Variants in HECW2 observed in about 807,000 individuals in gnomAD.
The protein encoded by HECW2 is E3 ubiquitin-protein ligase HECW2.
A neutral mutation model predicts 175.2 loss-of-function variants in HECW2; 61 were observed. The ratio of observed to expected loss-of-function variants is 0.35; its 90% CI spans 0.28 to 0.43. The LOEUF (loss-of-function observed/expected upper bound fraction) is 0.43, where lower values mean the gene tolerates loss of function less well. HECW2 is among the 20% of genes least tolerant of loss of function. HECW2 has a pLI of 1.00. For synonymous variants in HECW2, 671 were observed against 731.0 expected, an observed-to-expected ratio of 0.92 and a Z score of 1.32; for missense variants, 1,524 against 2,000.5, an observed-to-expected ratio of 0.76 and a Z score of 4.54.
chr2:196,292,377 A>G, intron 14 of HECW2, 188 bp downstream of exon 14: 1 of 541,762 alleles, frequency 1.8e-6, no homozygotes, highest in Non-Finnish European at 3.3e-6. Flanking sequence ...TCCCTCCACG[A>G]CTTCAGAATG....
At chr2:196,451,472 T>C (rs77856000) in intron 1 of HECW2, among the ~76,000 whole-genome samples, 1,626 of 151,480 alleles carry the variant, frequency 0.011, 32 homozygotes, top group African/African-American at 0.037. Context: ...GGGGTAAAGT[T>C]TATACCCAGA....
At chr2:196,236,170 A>G (rs1293219310) in intron 21 of HECW2, among the ~76,000 whole-genome samples, 1 of 152,172 alleles carries the variant, frequency 6.6e-6, no homozygotes, top group Non-Finnish European at 1.5e-5. Context: ...TGGACTTCCC[A>G]CAGAATTAAC....
At chr2:196,578,997 G>T (rs548143865) in intron 1 of HECW2, among the ~76,000 whole-genome samples, 3 of 152,026 alleles carry the variant, frequency 2.0e-5, no homozygotes, top group Non-Finnish European at 4.4e-5. Flanking sequence ...AATGACAATT[G>T]CATAAAGCAA....
intron 1 of HECW2, among the ~76,000 whole-genome samples, chr2:196,450,584 C>T (rs545551995): frequency 1.3e-5 from 2 of 151,762 alleles, no homozygotes; most frequent in South Asian, 2.1e-4. Flanking sequence ...CTCTGCCTCC[C>T]GGGTTCAAGA....
chr2:196,409,485 G>A (rs1361088113), intron 2 of HECW2, among the ~76,000 whole-genome samples: 1 of 152,130 alleles, frequency 6.6e-6, no homozygotes, highest in Non-Finnish European at 1.5e-5. Context: ...GCAAGACATG[G>A]ATCAATCTTC....
At chr2:196,486,001 T>G (rs1036323185) in intron 1 of HECW2, among the ~76,000 whole-genome samples, 12 of 152,188 alleles carry the variant, frequency 7.9e-5, no homozygotes, top group Non-Finnish European at 1.6e-4. Flanking sequence ...ACACTATTCG[T>G]AACTCTTACC....
At chr2:196,224,136 G>A (rs1222426074) in intron 23 of HECW2, among the ~76,000 whole-genome samples, 1 of 152,158 alleles carries the variant, frequency 6.6e-6, no homozygotes, top group Non-Finnish European at 1.5e-5. Context: ...TGTACCGTGT[G>A]TATTTGTCAT....
At chr2:196,588,973 G>A (rs1691085058) in intron 1 of HECW2, among the ~76,000 whole-genome samples, 2 of 152,126 alleles carry the variant, frequency 1.3e-5, no homozygotes, top group Admixed American at 1.3e-4. Context: ...AGGCCGAGGA[G>A]GGTGGATCAT....
At chr2:196,303,598 C>T (rs571638387) in intron 13 of HECW2, among the ~76,000 whole-genome samples, 1 of 152,228 alleles carries the variant, frequency 6.6e-6, no homozygotes, top group East Asian at 1.9e-4. Flanking sequence ...CATTATTGGT[C>T]TATTCATAGA....
intron 2 of HECW2, among the ~76,000 whole-genome samples, chr2:196,359,324 T>C (rs556644143): frequency 6.6e-6 from 1 of 152,278 alleles, no homozygotes; most frequent in South Asian, 2.1e-4. Context: ...GGCACACATC[T>C]GTAGTCCCAG....
chr2:196,290,961 G>T (rs1531115), intron 14 of HECW2: 99,157 of 152,068 alleles, frequency 0.65, 35,780 homozygotes, highest in East Asian at 0.96. Context: ...GGAATTAGAG[G>T]TTTATTAAAA....
At chr2:196,244,017 A>G (rs955410938) in intron 19 of HECW2, among the ~76,000 whole-genome samples, 1 of 152,226 alleles carries the variant, frequency 6.6e-6, no homozygotes, top group African/African-American at 2.4e-5. Flanking sequence ...TCCACTAAAT[A>G]TTTCCCAACC....
At chr2:196,293,924 C>T (rs1437611827) in intron 13 of HECW2, among the ~76,000 whole-genome samples, 1 of 152,192 alleles carries the variant, frequency 6.6e-6, no homozygotes, top group Non-Finnish European at 1.5e-5. Context: ...CAACTGAGAT[C>T]ACAATAGACT....
rs146202879 is a variant in HECW2, at chr2:196,312,648, G to C, written c.2435-4563C>G. Among the ~76,000 whole-genome samples, 178 of 152,244 alleles carry C rather than the reference G, an allele frequency of 1.2e-3. 1 individual carries two copies. The highest frequency in any genetic ancestry group is 4.1e-3 in the African/African-American group (171 of 41,546). ...GGACTTCTAGAATGCTGATGGCGTGGCCTGCCATGTATGTTTAGTAGAAAG... is the reference window on the plus strand; with the variant it reads ...GGACTTCTAGAATGCTGATGGCGTGCCCTGCCATGTATGTTTAGTAGAAAG... On this transcript the variant is annotated intron_variant, in intron 10 of 28. Transcript: ENST00000644978.
At chr2:196,255,246 C>T (rs1689014610) in intron 18 of HECW2, among the ~76,000 whole-genome samples, 1 of 150,526 alleles carries the variant, frequency 6.6e-6, no homozygotes, top group South Asian at 2.1e-4. Flanking sequence ...CCTGCCTCGG[C>T]ATCCCAAAGT....
intron 3 of HECW2, among the ~76,000 whole-genome samples, chr2:196,342,682 G>A (rs1692800664): frequency 6.6e-6 from 1 of 152,094 alleles, no homozygotes; most frequent in Non-Finnish European, 1.5e-5. Flanking sequence ...TAATAGTTGA[G>A]TTATCTGCAG....
intron 1 of HECW2, among the ~76,000 whole-genome samples, chr2:196,564,213 T>A (rs533733974): frequency 6.6e-6 from 1 of 152,268 alleles, no homozygotes; most frequent in East Asian, 1.9e-4. Flanking sequence ...TCTACACTCT[T>A]CAAATTAGTC....
At chr2:196,279,836 T>C (rs534986902) in intron 14 of HECW2, among the ~76,000 whole-genome samples, 2 of 152,324 alleles carry the variant, frequency 1.3e-5, no homozygotes, top group East Asian at 1.9e-4. Context: ...ATTCCTGACA[T>C]TTCTCCCCCA....
chr2:196,255,882 G>A lies in HECW2; in HGVS notation c.3420-1853C>T, dbSNP rs149192281. Among the ~76,000 whole-genome samples the A allele has an allele frequency of 8.5e-3, 1,289 of 152,270 alleles. 35 individuals carry two copies. The South Asian group carries it at 0.088, about 10-fold the overall frequency. ...GAGCTCAGGAGTTCTTGTCCAGCCT[G>A]GGCAACACGGTGAAACCCCGTCTCT... On this transcript the variant is annotated intron_variant, in intron 18 of 28. Transcript: ENST00000644978.
Sources: gnomAD v4.1 joint callset for allele counts (sites outside exome capture counted in the v4.1 genomes callset) on GRCh38, gnomAD v4.1.1 for gene constraint, MANE v1.5 for transcripts, NCBI Gene and HGNC (gene_info 2026-07-23, HGNC 2026-07-21) for gene names.